Variants in KDM3A observed in about 807,000 individuals in gnomAD.
The protein encoded by KDM3A is lysine-specific demethylase 3A.
Under a neutral mutation model 158.0 loss-of-function variants are expected in KDM3A, and 60 were observed. The observed-to-expected ratio is 0.38, with a 90% CI of 0.31 to 0.47. KDM3A has a LOEUF of 0.47. Ranked by LOEUF, KDM3A falls within the 20% of genes least tolerant of loss-of-function variation. The probability of loss-of-function intolerance (pLI) is 0.99; values close to 1 mark genes in which losing one functional copy is unlikely to be tolerated. For missense variants in KDM3A, 1,319 were observed against 1,574.3 expected (o/e 0.84, Z 2.74); for synonymous variants, 608 against 549.3 (o/e 1.11, Z -1.49).
intron 15 of KDM3A, 99 bp from the exon 16 acceptor site, chr2:86,480,068 A>G (rs1042745613): frequency 2.1e-6 from 2 of 934,074 alleles, no homozygotes; most frequent in African/African-American, 1.7e-5. Flanking sequence ...TGTTCTGGAT[A>G]TTTATCTTAC....
rs1311000908 is a variant in KDM3A at position 86,478,759 on chromosome 2, C to G, written c.2316+24C>G. 1.9e-6 allele frequency: 3 copies of G among 1,606,828 alleles called. No individual in the cohort carries two copies. In the South Asian group the frequency reaches 3.3e-5, roughly 18 times the overall value. On this transcript the variant is annotated intron_variant, in intron 15 of 25. Coordinates refer to ENST00000312912, the MANE Select transcript of KDM3A (RefSeq NM_018433.6). The stretch of plus-strand genomic sequence containing the variant: ...AGGTATTTACTGCTTATGTTAAATT[C>G]AACATCTCTTGTAATTGTCATTTGT...
intron 8 of KDM3A, among the ~76,000 whole-genome samples, chr2:86,462,859 AAGGC>A (rs1322145432): frequency 7.2e-5 from 11 of 152,258 alleles, no homozygotes; most frequent in Middle Eastern, 3.4e-3. Context: ...TTAGGAGGCC[AAGGC>A]AGGCAGATTA....
At chr2:86,484,633 C>T in intron 19 of KDM3A, 1 of 294,406 alleles carries the variant, frequency 3.4e-6, no homozygotes, top group East Asian at 6.9e-5. Context: ...TGAGTAGCAG[C>T]TTAATAAGCT....
chr2:86,449,839 GAAA>G lies in KDM3A; in HGVS notation c.221_223del (p.Lys74del). 1 of 1,613,054 alleles carries G rather than the reference GAAA, an allele frequency of 6.2e-7. No homozygotes were observed. The highest frequency in any genetic ancestry group is 8.5e-7 in the Non-Finnish European group (1 of 1,179,618). The stretch of plus-strand genomic sequence containing the variant: ...TGGAATTTGATGGGGAATCTTGGAG[GAAA>G]AGAAGATGGATAGAAGTCTACAGCC... On this transcript the variant is annotated inframe_deletion, in exon 3 of 26. Coordinates refer to ENST00000312912, the MANE Select transcript of KDM3A (RefSeq NM_018433.6).
At chr2:86,491,780 G>A in intron 25 of KDM3A, 1 of 465,490 alleles carries the variant, frequency 2.1e-6, no homozygotes, top group Non-Finnish European at 3.9e-6. Context: ...GCCTCTCCCT[G>A]TACTCACTGT....
Position 86,449,872 on chromosome 2 carries a change from A to G in KDM3A, c.252A>G (p.Leu84=), listed in dbSNP as rs762412037. 1 of 1,613,854 alleles carries G rather than the reference A, an allele frequency of 6.2e-7. No individual in the cohort carries two copies. Among genetic ancestry groups the G allele is most frequent in the South Asian group, 1.1e-5 (1 of 91,054 alleles). The change falls in exon 3 of 26, where the codon CTA becomes CTG. Residue 84 remains leucine (L), a synonymous_variant. Transcript: ENST00000312912. ...KRRWIEVYSL[L]RRAFLVEHNL... ...GATGGATAGAAGTCTACAGCCTTCT[A>G]AGGAGAGCATTTTTAGTAGAACATA...
intron 18 of KDM3A, chr2:86,482,934 G>A: frequency 2.0e-6 from 1 of 492,756 alleles, no homozygotes; most frequent in Non-Finnish European, 3.6e-6. Context: ...TCCCTGTTGG[G>A]TTTTTGACGA....
intron 12 of KDM3A, among the ~76,000 whole-genome samples, chr2:86,476,924 T>A (rs1558624681): frequency 6.6e-6 from 1 of 152,222 alleles, no homozygotes; most frequent in Non-Finnish European, 1.5e-5. Context: ...GCAGCTTTGA[T>A]CCAGTGTTGT....
chr2:86,481,898 T>A (rs1673948304), intron 16 of KDM3A, 32 bp from the exon 17 acceptor site: 2 of 1,561,990 alleles, frequency 1.3e-6, no homozygotes, highest in Non-Finnish European at 8.8e-7. Flanking sequence ...TTCAGAATGT[T>A]TTTTCATCTG....
chr2:86,450,414 G>T lies in KDM3A; in HGVS notation c.342+452G>T, dbSNP rs538783215. Among the ~76,000 whole-genome samples, 13 of 152,296 alleles carry T rather than the reference G, an allele frequency of 8.5e-5. No homozygotes were observed. In the South Asian group the frequency reaches 2.7e-3, roughly 32 times the overall value. ...AATAGTAGCTGTTGCCTTGCTCTCT[G>T]TAGGGTTTCCAGTCTTGATCTTATG... On this transcript the variant is annotated intron_variant, in intron 3 of 25. Transcript: ENST00000312912.
intron 3 of KDM3A, among the ~76,000 whole-genome samples, 192 bp from the exon 4 acceptor site, chr2:86,450,911 G>C (rs955761781): frequency 6.6e-6 from 1 of 152,092 alleles, no homozygotes; most frequent in Non-Finnish European, 1.5e-5. Context: ...TGTCTATCTG[G>C]TTTAAATTAT....
intron 2 of KDM3A, 147 bp downstream of exon 2, chr2:86,442,380 C>A: frequency 1.3e-6 from 1 of 763,222 alleles, no homozygotes; most frequent in Non-Finnish European, 2.1e-6. Context: ...TCTTGAAAGT[C>A]TTTGGAATGG....
In KDM3A at chr2:86,446,731, T is replaced by A. The variant is rs867504387; in HGVS notation, c.187-3076T>A. ...TCTCAAAAAATAAAATAAGTGTTTTTTTGTAGAAATGTCCACAGAAGAAGC... is the reference window on the plus strand; with the variant it reads ...TCTCAAAAAATAAAATAAGTGTTTTATTGTAGAAATGTCCACAGAAGAAGC... On this transcript the variant is annotated intron_variant, in intron 2 of 25. Coordinates refer to ENST00000312912, the MANE Select transcript of KDM3A (RefSeq NM_018433.6). Among the ~76,000 whole-genome samples the A allele has an allele frequency of 3.3e-5, 5 of 152,286 alleles. No individual in the cohort carries two copies. In the South Asian group the frequency reaches 8.3e-4, roughly 25 times the overall value.
chr2:86,458,608 C>G (rs1672801588), intron 8 of KDM3A, among the ~76,000 whole-genome samples: 1 of 152,090 alleles, frequency 6.6e-6, no homozygotes. Context: ...AGAGGGCTCC[C>G]ACAAGTGCAG....
Position 86,484,126 on chromosome 2 carries a change from GA to G in KDM3A, c.3063del (p.Asp1022ThrfsTer13). The G allele has an allele frequency of 6.2e-7, 1 of 1,613,928 alleles. No homozygotes were observed. The highest frequency in any genetic ancestry group is 8.5e-7 in the Non-Finnish European group (1 of 1,179,870). ...GAAATCATCACAGGAGCCACAGTAG[GA>G]GACTTCTGGGATGGATTTGAAGATG... ...TNEIITGATV[G>X]DFWDGFEDVP... is the part of the protein sequence containing the mutation. On this transcript the variant is annotated frameshift_variant, in exon 19 of 26. Coordinates refer to ENST00000312912, the MANE Select transcript of KDM3A (RefSeq NM_018433.6). LOFTEE classifies it high-confidence loss of function.
Position 86,466,759 on chromosome 2 carries a change from T to A in KDM3A, c.1395T>A (p.Asn465Lys), listed in dbSNP as rs776325230. Residue 465 changes from asparagine to lysine, a missense_variant, in exon 10 of 26, where the codon AAT (asparagine) becomes AAA (lysine). By Grantham distance (94) the Asn-to-Lys change is moderately conservative (BLOSUM62 0). Coordinates refer to ENST00000312912, the MANE Select transcript of KDM3A (RefSeq NM_018433.6). The part of the protein sequence containing the change: ...VKAGVNSDSP[N>K]NCSGKKVEPS... ...CAGGTGTCAATAGTGATAGCCCTAA[T>A]AACTGTTCAGGAAAAAAGGTAGAAC... 1 of 1,613,848 alleles carries A rather than the reference T, an allele frequency of 6.2e-7. No homozygotes were observed. The highest frequency in any genetic ancestry group is 1.7e-5 in the Admixed American group (1 of 59,964).
intron 21 of KDM3A, among the ~76,000 whole-genome samples, chr2:86,486,689 A>G (rs558273564): frequency 5.2e-4 from 79 of 152,270 alleles, no homozygotes; most frequent in Admixed American, 1.6e-3. Context: ...AAAAAGGACA[A>G]GGTCTGTTGT....
chr2:86,477,615 A>G (rs1223163372), intron 12 of KDM3A, among the ~76,000 whole-genome samples: 1 of 152,056 alleles, frequency 6.6e-6, no homozygotes, highest in Non-Finnish European at 1.5e-5. Flanking sequence ...CTTGGAGTTC[A>G]TTCTCCTAGA....
At chr2:86,476,052 A>G (rs568518133) in intron 12 of KDM3A, among the ~76,000 whole-genome samples, 2 of 152,316 alleles carry the variant, frequency 1.3e-5, no homozygotes, top group South Asian at 2.1e-4. Flanking sequence ...CTGCTGGGGT[A>G]GTGGAGACTC....
Sources: allele counts gnomAD v4.1 joint callset (sites outside exome capture counted in the v4.1 genomes callset), GRCh38; gene constraint gnomAD v4.1.1; transcripts MANE v1.5; gene names NCBI Gene and HGNC (gene_info 2026-07-23, HGNC 2026-07-21).